The following DYM variants were observed in gnomAD, a reference collection of about 807,000 sequenced individuals.
DYM encodes dyggve-Melchior-Clausen syndrome protein.
A neutral mutation model predicts 93.1 loss-of-function variants in DYM; 78 were observed. That is an observed-to-expected ratio of 0.84 (90% CI 0.70 to 1.01). The LOEUF (loss-of-function observed/expected upper bound fraction) is 1.01. Ranked by LOEUF, DYM falls within the 50% of genes least tolerant of loss-of-function variation. The pLI, the probability that DYM is intolerant of heterozygous loss-of-function variation, is 0.00. For synonymous variants in DYM, 321 were observed against 319.7 expected (o/e 1.00, Z -0.04); for missense variants, 789 against 845.0 (o/e 0.93, Z 0.82).
chr18:49,359,581 T>C (rs1039510458), intron 6 of DYM, among the ~76,000 whole-genome samples: 4 of 152,230 alleles, frequency 2.6e-5, no homozygotes, highest in African/African-American at 9.6e-5. Flanking sequence ...ATTTACATTT[T>C]AGTTTACAGA....
chr18:49,120,554 T>G (rs1599890705), intron 15 of DYM, among the ~76,000 whole-genome samples: 1 of 152,282 alleles, frequency 6.6e-6, no homozygotes, highest in South Asian at 2.1e-4. Flanking sequence ...CATCCACAGA[T>G]TTTTTAAATC....
intron 8 of DYM, among the ~76,000 whole-genome samples, chr18:49,327,334 C>T (rs551643667): frequency 6.6e-6 from 1 of 151,912 alleles, no homozygotes; most frequent in East Asian, 1.9e-4. Context: ...ATTCTCTCTA[C>T]TGTGTATATC....
At chr18:49,125,914 T>C (rs1009416956) in intron 15 of DYM, among the ~76,000 whole-genome samples, 2 of 152,214 alleles carry the variant, frequency 1.3e-5, no homozygotes, top group African/African-American at 4.8e-5. Context: ...ATCATCTTCT[T>C]CTCAAGCCCA....
rs575352343 is a variant in DYM, at chr18:49,154,336, T to C, written c.1728+9349A>G. Among the ~76,000 whole-genome samples the C allele has an allele frequency of 3.3e-5, 5 of 152,312 alleles. No homozygotes were observed. The South Asian group carries it at 8.3e-4, about 25-fold the overall frequency. On this transcript the variant is annotated intron_variant, in intron 15 of 17. Coordinates refer to ENST00000675505, the MANE Select transcript of DYM (RefSeq NM_001353214.3). ...ATTAATTCCTTTATTTTGATAAATG[T>C]TACATGATCATGTAAGATATTAGCA...
At chr18:49,341,883 T>C (rs976252059) in intron 6 of DYM, among the ~76,000 whole-genome samples, 2 of 152,194 alleles carry the variant, frequency 1.3e-5, no homozygotes, top group East Asian at 1.9e-4. Context: ...GCTAAAGGTG[T>C]CTGCTTTGAG....
At chr18:49,272,735 A>G (rs1370446469) in intron 10 of DYM, among the ~76,000 whole-genome samples, 1 of 152,188 alleles carries the variant, frequency 6.6e-6, no homozygotes, top group Non-Finnish European at 1.5e-5. Flanking sequence ...TTCAAGAAAT[A>G]TATTTTAAAT....
At chr18:49,278,831 G>C (rs1028818013) in intron 10 of DYM, among the ~76,000 whole-genome samples, 11 of 152,076 alleles carry the variant, frequency 7.2e-5, no homozygotes, top group African/African-American at 2.4e-4. Flanking sequence ...CAAAAAAAAA[G>C]CACAAATTTT....
rs186917694 is a variant in DYM at position 49,307,946 on chromosome 18, G to A, written c.764-21330C>T. On this transcript the variant is annotated intron_variant, in intron 8 of 17. Coordinates refer to ENST00000675505, the MANE Select transcript of DYM (RefSeq NM_001353214.3). ...TGAAATTAATAAAAGTGACAGCTTGGATTCAAACTGCACCTTTCTCTAGTA... is the reference window on the plus strand; with the variant it reads ...TGAAATTAATAAAAGTGACAGCTTGAATTCAAACTGCACCTTTCTCTAGTA... 3.3e-5 allele frequency among the ~76,000 whole-genome samples: 5 copies of A among 152,290 alleles called. No individual in the cohort carries two copies. The East Asian group carries it at 9.6e-4, about 29-fold the overall frequency.
At chr18:49,395,953 C>A (rs2147968753) in intron 2 of DYM, among the ~76,000 whole-genome samples, 1 of 152,194 alleles carries the variant, frequency 6.6e-6, no homozygotes, top group Non-Finnish European at 1.5e-5. Context: ...CAGACTGATA[C>A]CCTCCCTCAG....
At chr18:49,311,585 G>A (rs574581790) in intron 8 of DYM, among the ~76,000 whole-genome samples, 4 of 152,124 alleles carry the variant, frequency 2.6e-5, no homozygotes, top group Non-Finnish European at 4.4e-5. Flanking sequence ...TAGGGACATC[G>A]ATGAAGCTGG....
Position 49,195,916 on chromosome 18 carries a change from C to CTTTTTTTTTTTTTTTTT in DYM, c.1625+13618_1625+13634dup, listed in dbSNP as rs540189318. 1.8e-4 allele frequency among the ~76,000 whole-genome samples: 15 copies of CTTTTTTTTTTTTTTTTT among 84,034 alleles called. 1 individual carries two copies. Among genetic ancestry groups the CTTTTTTTTTTTTTTTTT allele is most frequent in the African/African-American group, 8.5e-4 (15 of 17,744 alleles). The allele number at this position is 84,034 out of a possible 152,430, so 55.1% of individuals were successfully genotyped here. A position where few individuals can be genotyped will look rare whatever the true frequency, so the allele number is the denominator to read the frequency against. ...ATTATGCTCTCTTGAATGCTACCATCTTTTTTTTTTTTTTTTTTTTTTTTT... is the reference window on the plus strand; with the variant it reads ...ATTATGCTCTCTTGAATGCTACCATCTTTTTTTTTTTTTTTTTTTTTTTTTTTTTTTTTTTTTTTTTT... On this transcript the variant is annotated intron_variant, in intron 14 of 17. Transcript: ENST00000675505.
At chr18:49,244,452 C>T (rs765164241) in intron 13 of DYM, among the ~76,000 whole-genome samples, 29 of 152,172 alleles carry the variant, frequency 1.9e-4, no homozygotes, top group Non-Finnish European at 2.1e-4. Flanking sequence ...TTATATTAAA[C>T]GACCAAGTAC....
chr18:49,363,607 A>T (rs2066250031), intron 5 of DYM, among the ~76,000 whole-genome samples: 1 of 152,214 alleles, frequency 6.6e-6, no homozygotes, highest in African/African-American at 2.4e-5. Context: ...CTTTGTTTGA[A>T]GCAGGGGTAG....
At chr18:49,435,788 T>G (rs1019592321) in intron 1 of DYM, among the ~76,000 whole-genome samples, 3 of 151,932 alleles carry the variant, frequency 2.0e-5, no homozygotes, top group Admixed American at 6.6e-5. Context: ...ACACTCCATC[T>G]CAAAAAAAAC....
chr18:49,413,427 T>C (rs532259827), intron 2 of DYM, among the ~76,000 whole-genome samples: 1 of 152,294 alleles, frequency 6.6e-6, no homozygotes, highest in Non-Finnish European at 1.5e-5. Flanking sequence ...ATGCTTACGT[T>C]AGCGAATCCT....
chr18:49,385,393 A>T (rs1192194345), intron 3 of DYM, among the ~76,000 whole-genome samples: 1 of 152,202 alleles, frequency 6.6e-6, no homozygotes, highest in African/African-American at 2.4e-5. Flanking sequence ...ATTTACTGTG[A>T]AGTATTTAAT....
chr18:49,456,058 A>G (rs1416420978), intron 1 of DYM, among the ~76,000 whole-genome samples: 1 of 152,150 alleles, frequency 6.6e-6, no homozygotes, highest in Non-Finnish European at 1.5e-5. Context: ...CAACTAAGAT[A>G]TATTTAAGTC....
intron 6 of DYM, among the ~76,000 whole-genome samples, chr18:49,354,888 A>G (rs190035587): frequency 5.6e-4 from 86 of 152,250 alleles, no homozygotes; most frequent in African/African-American, 2.0e-3. Flanking sequence ...ACAAAATTAA[A>G]CATACTTTAA....
At position 49,286,455 on chromosome 18, in the gene DYM, T is replaced by C. The variant is rs771995397; in HGVS notation, c.925A>G (p.Met309Val). 7 of 1,614,120 alleles carry C rather than the reference T, an allele frequency of 4.3e-6. No individual in the cohort carries two copies. Among genetic ancestry groups the C allele is most frequent in the South Asian group, 3.3e-5 (3 of 91,078 alleles). Residue 309 changes from methionine to valine, a missense_variant, in exon 9 of 18, where the codon ATG becomes GTG. Physicochemically the swap from Met to Val is conservative, Grantham distance 21. Transcript: ENST00000675505. ...AAACCTTGTGTGTTCTTGAAGGACATAATGGCTTGTCTGTAGGGGTTTGGC... is the reference window on the plus strand; with the variant it reads ...AAACCTTGTGTGTTCTTGAAGGACACAATGGCTTGTCTGTAGGGGTTTGGC... ...DAPNPYRQAI[M>V]SFKNTQDSSP...
Sources: allele counts gnomAD v4.1 joint callset (sites outside exome capture counted in the v4.1 genomes callset), GRCh38; gene constraint gnomAD v4.1.1; transcripts MANE v1.5; gene names NCBI Gene and HGNC (gene_info 2026-07-23, HGNC 2026-07-21).